RBFOX1: variants seen among roughly 807,000 people sequenced by gnomAD.
RBFOX1 encodes RNA binding fox-1 homolog 1.
A neutral mutation model predicts 57.7 loss-of-function variants in RBFOX1; 8 were observed. The ratio of observed to expected loss-of-function variants is 0.14; its 90% confidence interval spans 0.08 to 0.25. The LOEUF (loss-of-function observed/expected upper bound fraction) is 0.25. Ranked by LOEUF, RBFOX1 falls within the 10% of genes least tolerant of loss-of-function variation. The pLI is 1.00. For missense variants in RBFOX1, 611 were observed against 548.5 expected (o/e 1.11, Z -1.14); for synonymous variants, 326 against 222.4 (o/e 1.47, Z -4.15).
chr16:6,075,755 G>T (rs551480322), intron 1 of RBFOX1, among the ~76,000 whole-genome samples: 1 of 152,276 alleles, frequency 6.6e-6, no homozygotes, highest in African/African-American at 2.4e-5. Context: ...GAAGGAACTT[G>T]GGGAACTTCT....
chr16:7,596,976 C>G (rs545992470), intron 8 of RBFOX1, among the ~76,000 whole-genome samples: 5 of 152,212 alleles, frequency 3.3e-5, no homozygotes, highest in Admixed American at 6.5e-5. Context: ...TGTACCTTGT[C>G]TCTTCTCTCT....
intron 1 of RBFOX1, among the ~76,000 whole-genome samples, chr16:6,091,625 T>C (rs1046313534): frequency 3.3e-5 from 5 of 152,086 alleles, no homozygotes; most frequent in Non-Finnish European, 7.3e-5. Context: ...AGGTCATGAG[T>C]TCGAGACCAG....
chr16:6,085,162 C>T (rs147863627), intron 1 of RBFOX1, among the ~76,000 whole-genome samples: 1 of 152,202 alleles, frequency 6.6e-6, no homozygotes, highest in Non-Finnish European at 1.5e-5. Flanking sequence ...TCCTCCACAA[C>T]TTGCAGATCC....
At chr16:6,080,525 A>T (rs1233143291) in intron 1 of RBFOX1, among the ~76,000 whole-genome samples, 1 of 152,200 alleles carries the variant, frequency 6.6e-6, no homozygotes, top group Non-Finnish European at 1.5e-5. Context: ...ACATTGATTG[A>T]AGAAACTTAC....
intron 5 of RBFOX1, among the ~76,000 whole-genome samples, chr16:7,520,762 T>C (rs1567645794): frequency 6.6e-6 from 1 of 152,240 alleles, no homozygotes; most frequent in Non-Finnish European, 1.5e-5. Context: ...GTTTACTGTT[T>C]GTTGGCTATT....
intron 2 of RBFOX1, among the ~76,000 whole-genome samples, chr16:6,517,808 A>G (rs2096410823): frequency 1.3e-5 from 2 of 152,098 alleles, no homozygotes; most frequent in African/African-American, 4.8e-5. Context: ...CTTTTCTTCC[A>G]TTCGTTATTT....
chr16:6,767,029 C>T (rs529404839), intron 3 of RBFOX1, among the ~76,000 whole-genome samples: 1 of 152,098 alleles, frequency 6.6e-6, no homozygotes, highest in Admixed American at 6.5e-5. Context: ...ATGGCGAGGT[C>T]TTTTTCACAA....
intron 2 of RBFOX1, among the ~76,000 whole-genome samples, chr16:6,518,793 G>A (rs1421024966): frequency 6.2e-4 from 56 of 90,354 alleles, no homozygotes; most frequent in Middle Eastern, 5.9e-3. Flanking sequence ...CTGTCTGTGT[G>A]TCTGTCTATC....
intron 2 of RBFOX1, among the ~76,000 whole-genome samples, chr16:6,610,709 A>T (rs1172709836): frequency 1.3e-5 from 2 of 152,200 alleles, no homozygotes; most frequent in Non-Finnish European, 2.9e-5. Context: ...CAGATTGCGA[A>T]GTGGTCTTGT....
intron 1 of RBFOX1, among the ~76,000 whole-genome samples, chr16:5,262,562 C>G (rs2062761315): frequency 6.6e-6 from 1 of 152,212 alleles, no homozygotes; most frequent in Non-Finnish European, 1.5e-5. Context: ...GACTCCAGGA[C>G]TCCTTAGCCT....
At chr16:5,721,457 T>C (rs551290521) in intron 3 of RBFOX1, among the ~76,000 whole-genome samples, 2 of 152,200 alleles carry the variant, frequency 1.3e-5, no homozygotes, top group African/African-American at 4.8e-5. Context: ...ATGCCTTTTT[T>C]TCTTGTTCTT....
chr16:7,156,812 C>T (rs1016593059), intron 4 of RBFOX1, among the ~76,000 whole-genome samples: 2 of 152,152 alleles, frequency 1.3e-5, no homozygotes, highest in African/African-American at 2.4e-5. Context: ...TGTACTTGTA[C>T]ATGCACAATT....
intron 3 of RBFOX1, among the ~76,000 whole-genome samples, chr16:6,927,657 G>C (rs2075840716): frequency 6.6e-6 from 1 of 152,034 alleles, no homozygotes; most frequent in South Asian, 2.1e-4. Context: ...ATAATAGTGA[G>C]GATGTCAGCA....
At chr16:7,183,752 G>A (rs2083189752) in intron 4 of RBFOX1, among the ~76,000 whole-genome samples, 1 of 152,172 alleles carries the variant, frequency 6.6e-6, no homozygotes, top group African/African-American at 2.4e-5. Context: ...GAACAAAATT[G>A]ATAAAGCTTA....
At chr16:7,327,006 C>G (rs2096620164) in intron 4 of RBFOX1, among the ~76,000 whole-genome samples, 1 of 152,204 alleles carries the variant, frequency 6.6e-6, no homozygotes, top group Non-Finnish European at 1.5e-5. Flanking sequence ...TTGAGCCAAT[C>G]TGCCTTCTCA....
chr16:7,171,476 T>C (rs2080691220), intron 4 of RBFOX1, among the ~76,000 whole-genome samples: 1 of 152,202 alleles, frequency 6.6e-6, no homozygotes, highest in Non-Finnish European at 1.5e-5. Flanking sequence ...GATTGCAGGA[T>C]TATAGAAAGA....
In RBFOX1 at chr16:5,309,504, T is replaced by A. The variant is rs536452055; in HGVS notation, c.219+69399T>A. The stretch of plus-strand genomic sequence containing the variant: ...AAGTGTCTAAACCTCCTAATTTTTT[T>A]AAAATTGTTTTTTAATTTTTATAAA... On this transcript the variant is annotated intron_variant, in intron 1 of 2. Transcript: ENST00000585867. Among the ~76,000 whole-genome samples, 18 of 152,344 alleles carry A rather than the reference T, an allele frequency of 1.2e-4. No individual in the cohort carries two copies. In the South Asian group the frequency reaches 1.7e-3, roughly 14 times the overall value.
rs1567215058 is a variant in RBFOX1 at position 6,780,256 on chromosome 16, T to TATATATATTTATAC, written c.-16+125615_-16+125628dup. ...TTATATATATTTACATATATATTTA[T>TATATATATTTATAC]ATATATATTTATACATATATATATT... On this transcript the variant is annotated intron_variant, in intron 3 of 15. Transcript: ENST00000550418. 2.1e-3 allele frequency among the ~76,000 whole-genome samples: 174 copies of TATATATATTTATAC among 81,248 alleles called. 14 individuals carry two copies. The highest frequency in any genetic ancestry group is 9.1e-3 in the African/African-American group (167 of 18,260). The allele number at this position is 81,248 out of a possible 152,430, so 53.3% of individuals were successfully genotyped here.
intron 3 of RBFOX1, among the ~76,000 whole-genome samples, chr16:5,731,778 A>G (rs1446941140): frequency 1.3e-5 from 2 of 152,220 alleles, no homozygotes; most frequent in African/African-American, 2.4e-5. Context: ...TGAAGAGGAT[A>G]GATGACAGGA....
Sources: allele counts gnomAD v4.1 joint callset (sites outside exome capture counted in the v4.1 genomes callset), GRCh38; gene constraint gnomAD v4.1.1; transcripts MANE v1.5; gene names NCBI Gene and HGNC (gene_info 2026-07-23, HGNC 2026-07-21).